Variants in UBE2E3 observed in about 807,000 individuals in gnomAD.
UBE2E3 encodes ubiquitin conjugating enzyme E2 E3.
A neutral mutation model predicts 23.6 loss-of-function variants in UBE2E3; 5 were observed. The observed-to-expected ratio is 0.21, with a 90% CI of 0.11 to 0.44. The LOEUF (loss-of-function observed/expected upper bound fraction) is 0.44, where lower values mean the gene tolerates loss of function less well. Ranked by LOEUF, UBE2E3 falls within the 20% of genes least tolerant of loss-of-function variation. UBE2E3 has a pLI of 0.99. For missense variants in UBE2E3, 81 were observed against 249.8 expected (o/e 0.32, Z 4.55); for synonymous variants, 78 against 87.5 (o/e 0.89, Z 0.60).
chr2:180,997,564 A>C (rs949170536), intron 3 of UBE2E3, among the ~76,000 whole-genome samples: 2 of 152,030 alleles, frequency 1.3e-5, no homozygotes, highest in Non-Finnish European at 2.9e-5. Flanking sequence ...CTAGGCTCTC[A>C]TGCCACATTG....
rs1684239271 is a variant in UBE2E3, at chr2:180,980,622, C to CGGCCGGGAGGAGCCG, written c.-376_-362dup. Reference sequence around the variant, plus strand: ...CTCGCCTCGGAACTTGCTGACTGCGCGGCCGGGAGGAGCCGAGCCGGGCGG... The same window carrying CGGCCGGGAGGAGCCG: ...CTCGCCTCGGAACTTGCTGACTGCGCGGCCGGGAGGAGCCGGGCCGGGAGGAGCCGAGCCGGGCGG... On this transcript the variant is annotated 5_prime_UTR_variant, in exon 1 of 6. Transcript: ENST00000410062. The surrounding 1 kb of genome is among the most constrained non-coding windows in gnomAD (Gnocchi z 5.5). 6.8e-6 allele frequency: 1 copy of CGGCCGGGAGGAGCCG among 147,648 alleles called. No individual in the cohort carries two copies. Among genetic ancestry groups the CGGCCGGGAGGAGCCG allele is most frequent in the East Asian group, 2.0e-4 (1 of 5,020 alleles). The allele number at this position is 147,648 out of a possible 1,614,324, so 9.1% of individuals were successfully genotyped here.
At chr2:180,984,334 G>T (rs1315686384) in intron 3 of UBE2E3, among the ~76,000 whole-genome samples, 1 of 152,172 alleles carries the variant, frequency 6.6e-6, no homozygotes, top group African/African-American at 2.4e-5. Flanking sequence ...ATATTCATAT[G>T]AATGGTGCTG....
intron 3 of UBE2E3, among the ~76,000 whole-genome samples, chr2:181,028,058 C>T (rs1186090722): frequency 6.6e-6 from 1 of 152,008 alleles, no homozygotes; most frequent in Non-Finnish European, 1.5e-5. Flanking sequence ...AAGATGTTTT[C>T]ATTCATTTCC....
chr2:181,026,175 T>TG lies in UBE2E3; in HGVS notation c.246-31516dup, dbSNP rs746763981. 7.9e-5 allele frequency among the ~76,000 whole-genome samples: 12 copies of TG among 151,854 alleles called. No homozygotes were observed. The East Asian group carries it at 9.6e-4, about 12-fold the overall frequency. ...GATGAAAAAACACACTGAAACCCTTTGGAGGATTAAGTTAAATTTTGAAAA... is the reference window on the plus strand; with the variant it reads ...GATGAAAAAACACACTGAAACCCTTTGGGAGGATTAAGTTAAATTTTGAAAA... On this transcript the variant is annotated intron_variant, in intron 3 of 5. Transcript: ENST00000410062.
At chr2:181,048,796 T>G (rs1181870225) in intron 3 of UBE2E3, among the ~76,000 whole-genome samples, 1 of 152,100 alleles carries the variant, frequency 6.6e-6, no homozygotes, top group Non-Finnish European at 1.5e-5. Flanking sequence ...GAAAGCAATA[T>G]AGAGGTTTGG....
chr2:181,061,109 CTTTTTTTTTTTT>C lies in UBE2E3; in HGVS notation c.526+310_526+321del, dbSNP rs528681861. 2.3e-4 allele frequency among the ~76,000 whole-genome samples: 8 copies of C among 35,264 alleles called. 4 individuals carry two copies. Among genetic ancestry groups the C allele is most frequent in the African/African-American group, 2.9e-4 (2 of 6,850 alleles). The allele number at this position is 35,264 out of a possible 152,430, so 23.1% of individuals were successfully genotyped here. On this transcript the variant is annotated intron_variant, in intron 5 of 5. Transcript: ENST00000410062. ...AAGTATTTAGGTGCACAGACCACTT[CTTTTTTTTTTTT>C]TTTTTTTTTTTTGAGACGGAGTCTC...
At position 180,980,703 on chromosome 2, in the gene UBE2E3, G is replaced by T; in HGVS notation, c.-296G>T. 6.7e-6 allele frequency: 1 copy of T among 148,630 alleles called. No homozygotes were observed. The highest frequency in any genetic ancestry group is 2.0e-4 in the East Asian group (1 of 4,954). 9.2% of individuals were successfully genotyped at this position (148,630 alleles called of 1,614,324 possible). A position where few individuals can be genotyped will look rare whatever the true frequency, so the allele number is the denominator to read the frequency against. Reference sequence around the variant, plus strand: ...CTCCCGCGTCCCCTCCGCCTCGCCGGGAGCTCGCGCCCTCGCCCAGCCGAG... The same window carrying T: ...CTCCCGCGTCCCCTCCGCCTCGCCGTGAGCTCGCGCCCTCGCCCAGCCGAG... On this transcript the variant is annotated 5_prime_UTR_variant, in exon 1 of 6. Coordinates refer to ENST00000410062, the MANE Select transcript of UBE2E3 (RefSeq NM_006357.4). This position sits in a 1 kb window ranked among gnomAD's most constrained non-coding sequence, Gnocchi z 5.5.
At chr2:181,010,811 C>CTT (rs574359411) in intron 3 of UBE2E3, among the ~76,000 whole-genome samples, 32 of 143,170 alleles carry the variant, frequency 2.2e-4, no homozygotes, top group Middle Eastern at 3.6e-3. Flanking sequence ...ATATCCTCCT[C>CTT]TTTTTTTTTT....
chr2:181,030,270 A>G (rs995204107), intron 3 of UBE2E3, among the ~76,000 whole-genome samples: 3 of 151,950 alleles, frequency 2.0e-5, no homozygotes, highest in Non-Finnish European at 4.4e-5. Flanking sequence ...GCTTTAATCT[A>G]TTAATATGAT....
chr2:181,005,634 AC>A (rs1574174378), intron 3 of UBE2E3, among the ~76,000 whole-genome samples: 1 of 151,854 alleles, frequency 6.6e-6, no homozygotes. Context: ...CCTGTGTGGC[AC>A]CTTACTGACA....
intron 3 of UBE2E3, among the ~76,000 whole-genome samples, chr2:181,031,824 T>C (rs1365588416): frequency 6.6e-6 from 1 of 152,214 alleles, no homozygotes; most frequent in Non-Finnish European, 1.5e-5. Flanking sequence ...TAATCTTAAC[T>C]CATTCTAGTA....
At chr2:181,004,453 T>C (rs544513835) in intron 3 of UBE2E3, among the ~76,000 whole-genome samples, 18 of 152,104 alleles carry the variant, frequency 1.2e-4, no homozygotes, top group African/African-American at 4.1e-4. Context: ...GCCAGCATGG[T>C]GAAACCCCGT....
At position 181,061,199 on chromosome 2, in the gene UBE2E3, T is replaced by A. The variant is rs1687143198; in HGVS notation, c.526+387T>A. ...CTGCAGTGGCGCAATCTCGGCTCACTGCAAGCTCCGCTTCCCGGGTTCACG... is the reference window on the plus strand; with the variant it reads ...CTGCAGTGGCGCAATCTCGGCTCACAGCAAGCTCCGCTTCCCGGGTTCACG... On this transcript the variant is annotated intron_variant, in intron 5 of 5. Transcript: ENST00000410062. 2.0e-4 allele frequency among the ~76,000 whole-genome samples: 2 copies of A among 9,996 alleles called. 1 individual carries two copies. Among genetic ancestry groups the A allele is most frequent in the South Asian group, 0.012 (2 of 162 alleles). 6.6% of individuals were successfully genotyped at this position (9,996 alleles called of 152,430 possible). A position where few individuals can be genotyped will look rare whatever the true frequency, so the allele number is the denominator to read the frequency against.
At chr2:181,005,325 A>G (rs1685118871) in intron 3 of UBE2E3, among the ~76,000 whole-genome samples, 2 of 152,182 alleles carry the variant, frequency 1.3e-5, no homozygotes, top group South Asian at 4.1e-4. Flanking sequence ...TCTTGGCCCC[A>G]GTTTTTTCAT....
intron 3 of UBE2E3, among the ~76,000 whole-genome samples, chr2:181,057,442 A>G (rs1023589970): frequency 2.0e-5 from 3 of 151,810 alleles, no homozygotes; most frequent in African/African-American, 7.2e-5. Context: ...GCAGAATGCT[A>G]ATGGAGACTG....
At chr2:181,033,957 C>T (rs1303151490) in intron 3 of UBE2E3, among the ~76,000 whole-genome samples, 1 of 152,120 alleles carries the variant, frequency 6.6e-6, no homozygotes, top group Non-Finnish European at 1.5e-5. Flanking sequence ...CAGAGAAATG[C>T]AAATCAAAAC....
intron 3 of UBE2E3, among the ~76,000 whole-genome samples, chr2:181,032,102 C>T (rs1192008584): frequency 1.3e-5 from 2 of 152,146 alleles, no homozygotes; most frequent in East Asian, 1.9e-4. Context: ...TTTTCATTCC[C>T]TGAAGAAGCA....
chr2:181,027,104 A>G (rs1685917662), intron 3 of UBE2E3, among the ~76,000 whole-genome samples: 1 of 151,892 alleles, frequency 6.6e-6, no homozygotes, highest in South Asian at 2.1e-4. Context: ...TTTATTAAAA[A>G]CTTAGTTTCT....
chr2:181,050,271 G>A (rs1686785792), intron 3 of UBE2E3, among the ~76,000 whole-genome samples: 1 of 151,862 alleles, frequency 6.6e-6, no homozygotes, highest in South Asian at 2.1e-4. Flanking sequence ...TTGTTTTGAA[G>A]GTGATACCTT....
Sources: gnomAD v4.1 joint callset for allele counts (sites outside exome capture counted in the v4.1 genomes callset) on GRCh38, gnomAD v4.1.1 for gene constraint, Gnocchi (gnomAD v3.1) non-coding constraint, MANE v1.5 for transcripts, NCBI Gene and HGNC (gene_info 2026-07-23, HGNC 2026-07-21) for gene names.